The following ZNF624 variants were observed in gnomAD, a reference collection of about 807,000 sequenced individuals.
ZNF624 encodes zinc finger protein 624.
ZNF624 carries 43 observed loss-of-function variants against 74.7 expected under a neutral mutation model. That is an observed-to-expected ratio of 0.58 (90% CI 0.45 to 0.74). ZNF624 has a LOEUF of 0.74. ZNF624 is among the 30% of genes least tolerant of loss of function. The pLI is 0.00. For missense variants in ZNF624, 820 were observed against 1,030.0 expected (o/e 0.80, Z 2.79); for synonymous variants, 331 against 341.3 (o/e 0.97, Z 0.33).
intron 3 of ZNF624, among the ~76,000 whole-genome samples, chr17:16,645,860 G>A (rs1909577772): frequency 6.9e-6 from 1 of 144,470 alleles, no homozygotes; most frequent in Non-Finnish European, 1.5e-5. Flanking sequence ...GCTGAGGCAG[G>A]AGAATCGCTT....
chr17:16,647,183 T>C, intron 3 of ZNF624, 146 bp downstream of exon 3: 1 of 695,298 alleles, frequency 1.4e-6, no homozygotes. Flanking sequence ...AAATGAAATC[T>C]GTTAAATTGA....
chr17:16,619,704 G>A (rs564075150), downstream of ZNF624, among the ~76,000 whole-genome samples: 2 of 152,342 alleles, frequency 1.3e-5, no homozygotes, highest in South Asian at 4.1e-4. Context: ...TCAGGTTGGT[G>A]TGGGTCATCC....
chr17:16,650,519 T>C (rs1481225068), intron 1 of ZNF624, among the ~76,000 whole-genome samples: 1 of 152,020 alleles, frequency 6.6e-6, no homozygotes, highest in African/African-American at 2.4e-5. Flanking sequence ...CTAATAAAAG[T>C]TTTATCCTAT....
At chr17:16,624,764 C>G in intron 5 of ZNF624, 1 of 276,196 alleles carries the variant, frequency 3.6e-6, no homozygotes, top group Non-Finnish European at 6.5e-6. Context: ...TGCCTATAAT[C>G]TCAGCACTTT....
intron 5 of ZNF624, 47 bp downstream of exon 5, chr17:16,633,815 T>G (rs1261719789): frequency 1.4e-6 from 2 of 1,418,970 alleles, no homozygotes; most frequent in Non-Finnish European, 2.0e-6. Flanking sequence ...CCCCCTATAG[T>G]CTGTTACTTC....
intron 2 of ZNF624, among the ~76,000 whole-genome samples, chr17:16,648,689 C>A (rs186669385): frequency 6.9e-4 from 105 of 152,254 alleles, no homozygotes; most frequent in African/African-American, 2.4e-3. Context: ...TCTTCTGAAT[C>A]TATTTTAAAG....
chr17:16,641,787 A>T (rs1909473029), intron 3 of ZNF624, among the ~76,000 whole-genome samples: 1 of 152,238 alleles, frequency 6.6e-6, no homozygotes, highest in Non-Finnish European at 1.5e-5. Flanking sequence ...GTTCTATTAG[A>T]ATAACCTAGT....
chr17:16,653,575 G>A (rs1308606282), intron 1 of ZNF624, 189 bp downstream of exon 1: 1 of 152,586 alleles, frequency 6.6e-6, no homozygotes, highest in African/African-American at 2.4e-5. Context: ...TACCTGTGAG[G>A]GAGGCCAGCT....
At chr17:16,634,797 TA>T (rs1909288510) in intron 3 of ZNF624, 41 bp from the exon 4 acceptor site, 1 of 1,568,826 alleles carries the variant, frequency 6.4e-7, no homozygotes, top group East Asian at 2.3e-5. Flanking sequence ...ACTATACAAT[TA>T]GACTTGTTAG....
chr17:16,633,884 T>C lies in ZNF624; in HGVS notation c.354A>G (p.Glu118=). ...CACCAGGATAGGGAATTCTTGAAAT[T>C]TCTCTCACCGTCACCCATGGTCCTT... ...NGKGPWVTVR[E]ISRIPYPDME... Residue 118 remains glutamate, a synonymous_variant, in exon 5 of 6, where the codon GAA becomes GAG. Transcript: ENST00000311331. 6.2e-7 allele frequency: 1 copy of C among 1,613,648 alleles called. No individual in the cohort carries two copies. The highest frequency in any genetic ancestry group is 8.5e-7 in the Non-Finnish European group (1 of 1,179,662).
chr17:16,637,042 G>A (rs909204353), intron 3 of ZNF624, among the ~76,000 whole-genome samples: 3 of 152,090 alleles, frequency 2.0e-5, no homozygotes, highest in Admixed American at 6.5e-5. Flanking sequence ...GCAGGAGAAG[G>A]AAATAAAAAT....
intron 3 of ZNF624, among the ~76,000 whole-genome samples, chr17:16,645,082 T>C (rs537607615): frequency 6.6e-6 from 1 of 152,350 alleles, no homozygotes; most frequent in East Asian, 1.9e-4. Flanking sequence ...CCTATTTTGC[T>C]GTAAGCCTAT....
At chr17:16,648,097 G>A (rs1223634465) in intron 2 of ZNF624, among the ~76,000 whole-genome samples, 5 of 151,494 alleles carry the variant, frequency 3.3e-5, no homozygotes, top group African/African-American at 7.3e-5. Flanking sequence ...CACCATGTCC[G>A]GCTAATTTTT....
Position 16,624,413 on chromosome 17 carries a change from T to C in ZNF624, c.473A>G (p.Asn158Ser), listed in dbSNP as rs1909012223. The change falls in exon 6 of 6, where the codon AAT becomes AGT. Residue 158 changes from asparagine to serine, a missense_variant. Coordinates refer to ENST00000311331, the MANE Select transcript of ZNF624 (RefSeq NM_020787.4). The stretch of plus-strand genomic sequence containing the variant: ...TTCCATTCTGGAATCCCACAGACCA[T>C]TCTCTGTAAGTTTCTCTAGTATGGC... ...QEAILEKLTE[N>S]GLWDSRMEGL... 2 of 1,613,568 alleles carry C rather than the reference T, an allele frequency of 1.2e-6. No homozygotes were observed.
chr17:16,616,393 C>A (rs1045308661), downstream of ZNF624, among the ~76,000 whole-genome samples: 1 of 152,084 alleles, frequency 6.6e-6, no homozygotes, highest in Non-Finnish European at 1.5e-5. Flanking sequence ...CTATTTAAAT[C>A]TTACATAACT....
intron 3 of ZNF624, among the ~76,000 whole-genome samples, chr17:16,638,559 G>A (rs368751271): frequency 6.6e-6 from 1 of 152,178 alleles, no homozygotes; most frequent in East Asian, 1.9e-4. Context: ...CATGTCCTTT[G>A]TAGGGACATG....
chr17:16,623,939 G>C lies in ZNF624; in HGVS notation c.947C>G (p.Pro316Arg). Reference sequence around the variant, plus strand: ...TTTTTTGTGCTGACTGAGATATGAAGGCTGGCTGAATGTTTTCCCACATTC... The same window carrying C: ...TTTTTTGTGCTGACTGAGATATGAACGCTGGCTGAATGTTTTCCCACATTC... ...CNECGKTFSQ[P>R]SYLSQHKKIH... Residue 316 changes from proline to arginine, a missense_variant, in exon 6 of 6, where the codon CCT becomes CGT. Coordinates refer to ENST00000311331, the MANE Select transcript of ZNF624 (RefSeq NM_020787.4). The surrounding 1 kb of genome is among the most constrained non-coding windows in gnomAD (Gnocchi z 5.3). 1.2e-6 allele frequency: 2 copies of C among 1,613,768 alleles called. No individual in the cohort carries two copies. Among genetic ancestry groups the C allele is most frequent in the South Asian group, 1.1e-5 (1 of 91,074 alleles).
In ZNF624 at chr17:16,623,690, T is replaced by C. The variant is rs1023901723; in HGVS notation, c.1196A>G (p.Asp399Gly). The change falls in exon 6 of 6, where the codon GAT becomes GGT. Residue 399 changes from aspartate (D) to glycine (G), a missense_variant. By Grantham distance (94) the Asp-to-Gly change is moderately conservative (BLOSUM62 -1). Coordinates refer to ENST00000311331, the MANE Select transcript of ZNF624 (RefSeq NM_020787.4). This position sits in a 1 kb window ranked among gnomAD's most constrained non-coding sequence, Gnocchi z 5.3. The part of the protein sequence containing the change: ...KCSECGKAFS[D>G]KSKLARHQET... ...CTGATGTCTTGCAAGTTTTGATTTA[T>C]CACTAAAAGCTTTCCCGCATTCACT... is the stretch of plus-strand genomic sequence containing the variant. The C allele has an allele frequency of 3.9e-5, 62 of 1,609,730 alleles. No individual in the cohort carries two copies. The highest frequency in any genetic ancestry group is 4.8e-5 in the Non-Finnish European group (57 of 1,178,838).
At chr17:16,616,837 A>G (rs1481470168), downstream of ZNF624, 3 of 1,117,646 alleles carry the variant, frequency 2.7e-6, no homozygotes, top group African/African-American at 1.6e-5. Context: ...AGACAACAAG[A>G]GAGTTCTGAG....
Sources: allele counts gnomAD v4.1 joint callset (sites outside exome capture counted in the v4.1 genomes callset), GRCh38; gene constraint gnomAD v4.1.1; non-coding constraint Gnocchi (gnomAD v3.1); transcripts MANE v1.5; gene names NCBI Gene and HGNC (gene_info 2026-07-23, HGNC 2026-07-21).